Variants in TMEM185B observed in about 807,000 individuals in gnomAD.
TMEM185B encodes ee3_2.
A neutral mutation model predicts 26.2 loss-of-function variants in TMEM185B; 9 were observed. That is an observed-to-expected ratio of 0.34 (90% confidence interval 0.21 to 0.60). The LOEUF is 0.60. Ranked by LOEUF, TMEM185B falls within the 20% of genes least tolerant of loss-of-function variation. The pLI, the probability that TMEM185B is intolerant of heterozygous loss-of-function variation, is 0.80. For synonymous variants in TMEM185B, 204 were observed against 191.8 expected (o/e 1.06, Z -0.52); for missense variants, 392 against 447.9 (o/e 0.88, Z 1.13).
In TMEM185B at chr2:120,222,349, G is replaced by A. The variant is rs896050746; in HGVS notation, c.628C>T (p.His210Tyr). The change falls in exon 1 of 1, where the codon CAC (histidine) becomes TAC (tyrosine). Residue 210 changes from histidine (H) to tyrosine (Y), a missense_variant. This residue lies in a region of TMEM185B where 176 missense variants were observed against 201.6 expected (regional missense o/e 0.87). Coordinates refer to ENST00000426077, the MANE Select transcript of TMEM185B (RefSeq NM_024121.3). ...LDVVAEQRRT[H>Y]VTMAISWITI... ...ATCCAACTGATAGCCATGGTCACGT[G>A]TGTTCTCCGCTGCTCGGCAACCACA... 8.5e-6 allele frequency: 13 copies of A among 1,536,044 alleles called. No homozygotes were observed. Among genetic ancestry groups the A allele is most frequent in the Admixed American group, 2.0e-5 (1 of 50,982 alleles).
At position 120,222,771 on chromosome 2, in the gene TMEM185B, G is replaced by C; in HGVS notation, c.206C>G (p.Pro69Arg). ...GGCCTCTCCCTCGGTGCGGTAGCGAGGGTTGCGGGCCCAAACGCCCGCGCC... is the reference window on the plus strand; with the variant it reads ...GGCCTCTCCCTCGGTGCGGTAGCGACGGTTGCGGGCCCAAACGCCCGCGCC... ...SVGAGVWARNPRYRTEGEACV... is the reference protein window; with the variant it reads ...SVGAGVWARNRRYRTEGEACV... Residue 69 changes from proline to arginine, a missense_variant, in exon 1 of 1, where the codon CCT (proline) becomes CGT (arginine). Pro to Arg is a moderately radical substitution (Grantham distance 103). This residue lies in a region of TMEM185B where 175 missense variants were observed against 169.1 expected (regional missense o/e 1.03). Coordinates refer to ENST00000426077, the MANE Select transcript of TMEM185B (RefSeq NM_024121.3). 6.5e-7 allele frequency: 1 copy of C among 1,535,872 alleles called. No individual in the cohort carries two copies. Among genetic ancestry groups the C allele is most frequent in the South Asian group, 1.2e-5 (1 of 84,086 alleles).
Position 120,221,936 on chromosome 2 carries a change from A to T in TMEM185B, c.1041T>A (p.Asp347Glu). 1.3e-6 allele frequency: 2 copies of T among 1,531,044 alleles called. No homozygotes were observed. The highest frequency in any genetic ancestry group is 8.7e-7 in the Non-Finnish European group (1 of 1,144,866). The allele number at this position is 1,531,044 out of a possible 1,614,324, so 94.8% of individuals were successfully genotyped here. A position where few individuals can be genotyped will look rare whatever the true frequency, so the allele number is the denominator to read the frequency against. Residue 347 changes from aspartate to glutamate, a missense_variant, in exon 1 of 1, where the codon GAT (aspartate) becomes GAA (glutamate). Physicochemically the swap from Asp to Glu is conservative, Grantham distance 45. Transcript: ENST00000426077. ...YVPPPPKLNI[D>E]MPD ...CCTCTCTAGGAGTTTAATCTGGCAT[A>T]TCAATATTTAACTTGGGAGGGGGGG...
Position 120,222,409 on chromosome 2 carries a change from T to C in TMEM185B, c.568A>G (p.Ile190Val), listed in dbSNP as rs1032020155. The C allele has an allele frequency of 5.9e-6, 9 of 1,535,980 alleles. No individual in the cohort carries two copies. The African/African-American group carries it at 8.2e-5, about 14-fold the overall frequency. Residue 190 changes from isoleucine to valine, a missense_variant, in exon 1 of 1, where the codon ATC becomes GTC. By Grantham distance (29) the Ile-to-Val change is conservative. This residue lies in a region of TMEM185B where 176 missense variants were observed against 201.6 expected (regional missense o/e 0.87). Coordinates refer to ENST00000426077, the MANE Select transcript of TMEM185B (RefSeq NM_024121.3). ...CGCAGGAACAGGAGGGACCAGACGATGTAATAGAGGACGACCAGGCAAAGG... is the reference window on the plus strand; with the variant it reads ...CGCAGGAACAGGAGGGACCAGACGACGTAATAGAGGACGACCAGGCAAAGG... ...SFLCLVVLYY[I>V]VWSLLFLRSL...
Position 120,222,887 on chromosome 2 carries a change from G to A in TMEM185B, c.90C>T (p.Leu30=), listed in dbSNP as rs550141235. The change falls in exon 1 of 1, where the codon CTC becomes CTT. Residue 30 remains leucine, a synonymous_variant. Coordinates refer to ENST00000426077, the MANE Select transcript of TMEM185B (RefSeq NM_024121.3). ...TCCATTGGATGATGCCGTCCAGGCG[G>A]AGGGGCAGCAGCACCGAGAAGAGCA... ...CLLLFSVLLP[L]RLDGIIQWSY... The A allele has an allele frequency of 5.6e-4, 815 of 1,462,476 alleles. 1 individual carries two copies. Among genetic ancestry groups the A allele is most frequent in the Non-Finnish European group, 6.9e-4 (775 of 1,115,244 alleles). 90.6% of individuals were successfully genotyped at this position (1,462,476 alleles called of 1,614,324 possible). A position where few individuals can be genotyped will look rare whatever the true frequency, so the allele number is the denominator to read the frequency against.
In TMEM185B at chr2:120,217,638, GA is replaced by G. The variant is rs1688524257; in HGVS notation, c.*4285del. 6.6e-6 allele frequency among the ~76,000 whole-genome samples: 1 copy of G among 152,206 alleles called. No homozygotes were observed. The highest frequency in any genetic ancestry group is 1.5e-5 in the Non-Finnish European group (1 of 68,040). On this transcript the variant is annotated 3_prime_UTR_variant, in exon 1 of 1. Coordinates refer to ENST00000426077, the MANE Select transcript of TMEM185B (RefSeq NM_024121.3). ...CAGATCCTTAAAGCCTGGCTTAACA[GA>G]AGGCTGCTGCATCCTCATAGCTGCT...
Position 120,222,048 on chromosome 2 carries a change from G to A in TMEM185B, c.929C>T (p.Thr310Ile). Reference sequence around the variant, plus strand: ...AATTTTCGGAGCTTCTGGAACTGATGTTTCTTCAGCATCTTCACTATCTTC... The same window carrying A: ...AATTTTCGGAGCTTCTGGAACTGATATTTCTTCAGCATCTTCACTATCTTC... ...HHEDSEDAEE[T>I]SVPEAPKIAP... Residue 310 changes from threonine (T) to isoleucine (I), a missense_variant, in exon 1 of 1, where the codon ACA (threonine) becomes ATA (isoleucine). Around this residue, in one of 3 missense-constraint regions of TMEM185B, gnomAD observed 176 missense variants for 201.6 expected, o/e 0.87. Transcript: ENST00000426077. The A allele has an allele frequency of 6.5e-7, 1 of 1,546,436 alleles. No homozygotes were observed. The highest frequency in any genetic ancestry group is 8.7e-7 in the Non-Finnish European group (1 of 1,147,002).
Position 120,219,629 on chromosome 2 carries a change from C to T in TMEM185B, c.*2295G>A, listed in dbSNP as rs1688554776. Among the ~76,000 whole-genome samples the T allele has an allele frequency of 6.6e-6, 1 of 152,206 alleles. No homozygotes were observed. Among genetic ancestry groups the T allele is most frequent in the Admixed American group, 6.5e-5 (1 of 15,282 alleles). ...TCCTCCAGCACTGCCTGCCCATGCA[C>T]CCCTAAATCTTACTGAAATGAAAAT... On this transcript the variant is annotated 3_prime_UTR_variant, in exon 1 of 1. Coordinates refer to ENST00000426077, the MANE Select transcript of TMEM185B (RefSeq NM_024121.3).
In TMEM185B at chr2:120,222,982, A is replaced by G. The variant is rs1574831931; in HGVS notation, c.-6T>C. On this transcript the variant is annotated 5_prime_UTR_variant, in exon 1 of 1. Coordinates refer to ENST00000426077, the MANE Select transcript of TMEM185B (RefSeq NM_024121.3). ...AACAGGCCCCTGGGGTTCATGGCGG[A>G]GGCCGCCGCTTGCCTGCCCGGGCCT... 5 of 1,413,188 alleles carry G rather than the reference A, an allele frequency of 3.5e-6. No homozygotes were observed. Among genetic ancestry groups the G allele is most frequent in the Non-Finnish European group, 4.6e-6 (5 of 1,087,790 alleles). The allele number at this position is 1,413,188 out of a possible 1,614,324, so 87.5% of individuals were successfully genotyped here.
At position 120,219,987 on chromosome 2, in the gene TMEM185B, C is replaced by T. The variant is rs1167071216; in HGVS notation, c.*1937G>A. ...TACACCCACTGCTGCTCAGGGCTGC[C>T]GGCTGGTGTAAACTGCCAGTGTGAG... is the stretch of plus-strand genomic sequence containing the variant. On this transcript the variant is annotated 3_prime_UTR_variant, in exon 1 of 1. Transcript: ENST00000426077. 6.6e-6 allele frequency among the ~76,000 whole-genome samples: 1 copy of T among 152,196 alleles called. No homozygotes were observed. The highest frequency in any genetic ancestry group is 2.4e-5 in the African/African-American group (1 of 41,444).
rs955772258 is a variant in TMEM185B at position 120,223,107 on chromosome 2, G to T, written c.-131C>A. 18 of 619,456 alleles carry T rather than the reference G, an allele frequency of 2.9e-5. No individual in the cohort carries two copies. Among genetic ancestry groups the T allele is most frequent in the Admixed American group, 1.7e-4 (4 of 23,606 alleles). 38.4% of individuals were successfully genotyped at this position (619,456 alleles called of 1,614,324 possible). ...GCTCCGCGTGGACGAATGCCGGGACGACCAGGAGGAGGTTCGGAGCGGCGA... is the reference window on the plus strand; with the variant it reads ...GCTCCGCGTGGACGAATGCCGGGACTACCAGGAGGAGGTTCGGAGCGGCGA... On this transcript the variant is annotated 5_prime_UTR_variant, in exon 1 of 1. Coordinates refer to ENST00000426077, the MANE Select transcript of TMEM185B (RefSeq NM_024121.3).
rs1688618562 is a variant in TMEM185B, at chr2:120,223,028, G to A, written c.-52C>T. 2.3e-6 allele frequency: 3 copies of A among 1,282,394 alleles called. No individual in the cohort carries two copies. The highest frequency in any genetic ancestry group is 3.0e-6 in the Non-Finnish European group (3 of 1,006,172). 79.4% of individuals were successfully genotyped at this position (1,282,394 alleles called of 1,614,324 possible). A position where few individuals can be genotyped will look rare whatever the true frequency, so the allele number is the denominator to read the frequency against. On this transcript the variant is annotated 5_prime_UTR_variant, in exon 1 of 1. Coordinates refer to ENST00000426077, the MANE Select transcript of TMEM185B (RefSeq NM_024121.3). The stretch of plus-strand genomic sequence containing the variant: ...GGCCTGCTCCCTCGCGACGCTCGGC[G>A]CTCGCGTCTCCGCGGCTTCTCCGGC...
Position 120,218,794 on chromosome 2 carries a change from C to T in TMEM185B, c.*3130G>A, listed in dbSNP as rs116159892. 4.0e-3 allele frequency among the ~76,000 whole-genome samples: 604 copies of T among 152,338 alleles called. 7 individuals are homozygous for T. Among genetic ancestry groups the T allele is most frequent in the African/African-American group, 0.014 (567 of 41,578 alleles). On this transcript the variant is annotated 3_prime_UTR_variant, in exon 1 of 1. Transcript: ENST00000426077. ...AATTTCAGGATATTCGTAAAGCACA[C>T]GGGAAACAAATCATGGATGATCTGC...
At position 120,218,315 on chromosome 2, in the gene TMEM185B, G is replaced by A. The variant is rs950737844; in HGVS notation, c.*3609C>T. On this transcript the variant is annotated 3_prime_UTR_variant, in exon 1 of 1. Transcript: ENST00000426077. ...GCAGCTGGAGGCTCCCTTTTTGTGG[G>A]TGTCATGCTGTCAGTGGTGGTGGCT... Among the ~76,000 whole-genome samples the A allele has an allele frequency of 1.1e-4, 17 of 152,174 alleles. No homozygotes were observed. The highest frequency in any genetic ancestry group is 4.1e-4 in the African/African-American group (17 of 41,444).
chr2:120,221,537 G>A lies in TMEM185B; in HGVS notation c.*387C>T. 5.9e-6 allele frequency: 1 copy of A among 169,420 alleles called. No individual in the cohort carries two copies. The highest frequency in any genetic ancestry group is 1.3e-5 in the Non-Finnish European group (1 of 79,558). The allele number at this position is 169,420 out of a possible 1,614,324, so 10.5% of individuals were successfully genotyped here. A position where few individuals can be genotyped will look rare whatever the true frequency, so the allele number is the denominator to read the frequency against. The stretch of plus-strand genomic sequence containing the variant: ...AAGAGAACTTTTTACATTTGCTATT[G>A]TTATGACAGGCACAATCTGAAATAC... On this transcript the variant is annotated 3_prime_UTR_variant, in exon 1 of 1. Transcript: ENST00000426077.
Position 120,221,619 on chromosome 2 carries a change from A to G in TMEM185B, c.*305T>C, listed in dbSNP as rs1688587319. Reference sequence around the variant, plus strand: ...TTTAAACAATAGTTTTGATAGGTACAGTAGCATTTAAACAAACAGCTGTGT... The same window carrying G: ...TTTAAACAATAGTTTTGATAGGTACGGTAGCATTTAAACAAACAGCTGTGT... On this transcript the variant is annotated 3_prime_UTR_variant, in exon 1 of 1. Transcript: ENST00000426077. 2.6e-6 allele frequency: 1 copy of G among 387,538 alleles called. No homozygotes were observed. Among genetic ancestry groups the G allele is most frequent in the East Asian group, 4.6e-5 (1 of 21,568 alleles). 24.0% of individuals were successfully genotyped at this position (387,538 alleles called of 1,614,324 possible). A position where few individuals can be genotyped will look rare whatever the true frequency, so the allele number is the denominator to read the frequency against.
Position 120,219,507 on chromosome 2 carries a change from T to A in TMEM185B, c.*2417A>T, listed in dbSNP as rs1380703601. On this transcript the variant is annotated 3_prime_UTR_variant, in exon 1 of 1. Coordinates refer to ENST00000426077, the MANE Select transcript of TMEM185B (RefSeq NM_024121.3). ...GGGGGGTTGTGGGGACCCCTCAGGT[T>A]TGGGAGTTTGCACCAGGTGCCAACA... Among the ~76,000 whole-genome samples, 1 of 151,902 alleles carries A rather than the reference T, an allele frequency of 6.6e-6. No individual in the cohort carries two copies. The highest frequency in any genetic ancestry group is 2.4e-5 in the African/African-American group (1 of 41,324).
chr2:120,222,306 A>G lies in TMEM185B; in HGVS notation c.671T>C (p.Leu224Pro). Residue 224 changes from leucine (L) to proline (P), a missense_variant, in exon 1 of 1, where the codon CTG (leucine) becomes CCG (proline). Around this residue, in one of 3 missense-constraint regions of TMEM185B, gnomAD observed 176 missense variants for 201.6 expected, o/e 0.87. Transcript: ENST00000426077. The part of the protein sequence containing the change: ...AISWITIVVP[L>P]LTFEVLLVHR... ...AACCAGCAGGACCTCAAAAGTGAGC[A>G]GAGGCACGACAATCGTTATCCAACT... The G allele has an allele frequency of 6.5e-7, 1 of 1,536,266 alleles. No homozygotes were observed. The highest frequency in any genetic ancestry group is 8.7e-7 in the Non-Finnish European group (1 of 1,146,938).
chr2:120,222,846 A>G lies in TMEM185B; in HGVS notation c.131T>C (p.Phe44Ser), dbSNP rs2104551789. ...AAGCTTCCACAGCCATATGGGGGCA[A>G]AGACGGCCCAGTAGCTCCATTGGAT... Reference protein sequence around the residue: ...GIIQWSYWAVFAPIWLWKLLV... With the variant: ...GIIQWSYWAVSAPIWLWKLLV... Residue 44 changes from phenylalanine (F) to serine (S), a missense_variant, in exon 1 of 1, where the codon TTT (phenylalanine) becomes TCT (serine). Physicochemically the swap from Phe to Ser is radical, Grantham distance 155. Transcript: ENST00000426077. 1 of 1,501,344 alleles carries G rather than the reference A, an allele frequency of 6.7e-7. No homozygotes were observed. Among genetic ancestry groups the G allele is most frequent in the East Asian group, 2.5e-5 (1 of 40,816 alleles). The allele number at this position is 1,501,344 out of a possible 1,614,324, so 93.0% of individuals were successfully genotyped here.
At position 120,218,420 on chromosome 2, in the gene TMEM185B, C is replaced by A. The variant is rs1446383547; in HGVS notation, c.*3504G>T. On this transcript the variant is annotated 3_prime_UTR_variant, in exon 1 of 1. Transcript: ENST00000426077. ...TTTCCAGCCACACAACTTCCCGGAT[C>A]CCTGTGAACTTGCTGGGCTTCATCC... Among the ~76,000 whole-genome samples the A allele has an allele frequency of 1.3e-5, 2 of 152,234 alleles. No individual in the cohort carries two copies.
Sources: gnomAD v4.1 joint callset for allele counts (sites outside exome capture counted in the v4.1 genomes callset) on GRCh38, gnomAD v4.1.1 for gene constraint, gnomAD v4.1.1 regional missense constraint, MANE v1.5 for transcripts, NCBI Gene and HGNC (gene_info 2026-07-23, HGNC 2026-07-21) for gene names.